GLRA1: variants seen among roughly 807,000 people sequenced by gnomAD.
GLRA1 encodes glycine receptor alpha 1, also known as glycine receptor subunit alpha-1.
In GLRA1, 37 loss-of-function variants were observed where a neutral mutation model predicts 48.3. That is an observed-to-expected ratio of 0.77 (90% CI 0.59 to 1.01). GLRA1 has a LOEUF of 1.01. GLRA1 is among the 50% of genes least tolerant of loss of function. The pLI, the probability that GLRA1 is intolerant of heterozygous loss-of-function variation, is 0.00. For synonymous variants in GLRA1, 196 were observed against 210.7 expected, an observed-to-expected ratio of 0.93 and a Z score of 0.60; for missense variants, 427 against 571.0, an observed-to-expected ratio of 0.75 and a Z score of 2.57.
In GLRA1 at chr5:151,822,842, G is replaced by C. The variant is rs62636581; in HGVS notation, c.1181C>G (p.Pro394Arg). The change falls in exon 9 of 9, where the codon CCT becomes CGT. Residue 394 changes from proline to arginine, a missense_variant. Physicochemically the swap from Pro to Arg is moderately radical, Grantham distance 103 (BLOSUM62 -2). Transcript: ENST00000274576. ...CTCTGGGGACTTAGATGGTGCAGGA[G>C]GGGGGTTGGTGGTGTTACTGTTGTT... Reference protein sequence around the residue: ...GANNSNTTNPPPAPSKSPEEM... With the variant: ...GANNSNTTNPRPAPSKSPEEM... 1.2e-5 allele frequency: 20 copies of C among 1,613,992 alleles called. No individual in the cohort carries two copies. The highest frequency in any genetic ancestry group is 1.2e-5 in the Non-Finnish European group (14 of 1,179,986).
At chr5:151,871,011 T>C (rs957272383) in intron 3 of GLRA1, among the ~76,000 whole-genome samples, 3 of 149,378 alleles carry the variant, frequency 2.0e-5, no homozygotes, top group African/African-American at 7.7e-5. Context: ...TGATGAAGAG[T>C]CACGCTCTGG....
intron 3 of GLRA1, among the ~76,000 whole-genome samples, chr5:151,877,025 C>T (rs1213639720): frequency 6.6e-6 from 1 of 152,138 alleles, no homozygotes; most frequent in Non-Finnish European, 1.5e-5. Context: ...GAAAAGGGCC[C>T]TCACTAGAGA....
chr5:151,842,361 C>T (rs1216057549), intron 7 of GLRA1, among the ~76,000 whole-genome samples: 3 of 150,502 alleles, frequency 2.0e-5, no homozygotes, highest in African/African-American at 7.3e-5. Flanking sequence ...AAAAAACTCT[C>T]AGGAAAACAC....
chr5:151,891,648 T>C (rs1754072195), intron 2 of GLRA1, among the ~76,000 whole-genome samples: 1 of 152,188 alleles, frequency 6.6e-6, no homozygotes, highest in Non-Finnish European at 1.5e-5. Flanking sequence ...GCCTCACTGA[T>C]TTAAGTTATC....
intron 3 of GLRA1, among the ~76,000 whole-genome samples, chr5:151,862,782 G>C (rs188606895): frequency 6.6e-6 from 1 of 152,198 alleles, no homozygotes; most frequent in African/African-American, 2.4e-5. Flanking sequence ...TGCATGGTGA[G>C]TATCTTCTAT....
At chr5:151,850,742 A>G in intron 7 of GLRA1, 1 of 1,039,700 alleles carries the variant, frequency 9.6e-7, no homozygotes, top group Non-Finnish European at 1.5e-6. Flanking sequence ...GCCCTCATCA[A>G]CACGTGTCTT....
chr5:151,859,108 C>A (rs28409941), intron 4 of GLRA1, among the ~76,000 whole-genome samples: 3,228 of 152,260 alleles, frequency 0.021, 49 homozygotes, highest in South Asian at 0.073. Context: ...TGAAAAGTAC[C>A]TGGCATAGTT....
At chr5:151,913,663 C>A (rs111391713) in intron 1 of GLRA1, among the ~76,000 whole-genome samples, 11 of 152,252 alleles carry the variant, frequency 7.2e-5, no homozygotes, top group African/African-American at 2.6e-4. Flanking sequence ...TTAGAATAAT[C>A]CCATTTTTGT....
intron 3 of GLRA1, among the ~76,000 whole-genome samples, chr5:151,884,543 GGC>G (rs1222037499): frequency 3.3e-5 from 5 of 152,212 alleles, no homozygotes; most frequent in African/African-American, 1.2e-4. Context: ...AAGAAACTGA[GGC>G]TTAAAGATGT....
chr5:151,893,365 T>C (rs1754147848), intron 1 of GLRA1, among the ~76,000 whole-genome samples: 1 of 147,498 alleles, frequency 6.8e-6, no homozygotes, highest in Non-Finnish European at 1.5e-5. Context: ...TCTTTCATTT[T>C]AGTTCTGGGA....
chr5:151,835,855 A>C (rs547832960), intron 7 of GLRA1, among the ~76,000 whole-genome samples: 2 of 152,252 alleles, frequency 1.3e-5, no homozygotes, highest in African/African-American at 4.8e-5. Flanking sequence ...CCAGTATCAT[A>C]TAGAATGAGC....
intron 3 of GLRA1, among the ~76,000 whole-genome samples, chr5:151,882,002 C>G (rs555314917): frequency 6.6e-6 from 1 of 152,168 alleles, no homozygotes; most frequent in African/African-American, 2.4e-5. Context: ...AGAGGCAGAA[C>G]CCAGGCTGGA....
At chr5:151,851,654 A>G (rs1340732709) in intron 6 of GLRA1, 50 bp from the exon 7 acceptor site, 2 of 1,265,704 alleles carry the variant, frequency 1.6e-6, no homozygotes, top group Non-Finnish European at 2.3e-6. Context: ...AATAGGACAA[A>G]AGGCTTTAGG....
chr5:151,851,582 G>A lies in GLRA1; in HGVS notation c.720C>T (p.Ala240=), dbSNP rs1437757477. The part of the protein sequence containing the change: ...YNTGKFTCIE[A]RFHLERQMGY... ...CCATCTGCCGCTCCAGGTGGAACCG[G>A]GCCTCAATGCAGGTGAATTTACCTG... is the stretch of plus-strand genomic sequence containing the variant. The change falls in exon 7 of 9, where the codon GCC becomes GCT. Residue 240 remains alanine (A), a synonymous_variant. Coordinates refer to ENST00000274576, the MANE Select transcript of GLRA1 (RefSeq NM_000171.4). The A allele has an allele frequency of 6.2e-7, 1 of 1,613,620 alleles. No individual in the cohort carries two copies. The highest frequency in any genetic ancestry group is 8.5e-7 in the Non-Finnish European group (1 of 1,179,560).
At chr5:151,859,607 A>G (rs1283582066) in intron 4 of GLRA1, among the ~76,000 whole-genome samples, 178 bp downstream of exon 4, 1 of 152,120 alleles carries the variant, frequency 6.6e-6, no homozygotes, top group Non-Finnish European at 1.5e-5. Context: ...GCCCCATTGT[A>G]TTTTATTCTT....
intron 2 of GLRA1, among the ~76,000 whole-genome samples, 161 bp downstream of exon 2, chr5:151,892,150 G>A (rs1422296332): frequency 6.6e-6 from 1 of 152,196 alleles, no homozygotes; most frequent in Non-Finnish European, 1.5e-5. Flanking sequence ...TGGGCTTGGT[G>A]GGAGAGAAGA....
chr5:151,863,758 A>T (rs1232074799), intron 3 of GLRA1, among the ~76,000 whole-genome samples: 1 of 152,160 alleles, frequency 6.6e-6, no homozygotes, highest in Non-Finnish European at 1.5e-5. Flanking sequence ...TTGATCTGTT[A>T]TCAGCAGGGA....
Position 151,834,685 on chromosome 5 carries a change from G to T in GLRA1, c.913-5618C>A, listed in dbSNP as rs115899348. ...CCCTTCAAAAAATCAGTGAATCCAGGGCTGGTTTGTTGAAGATTAATAAAA... is the reference window on the plus strand; with the variant it reads ...CCCTTCAAAAAATCAGTGAATCCAGTGCTGGTTTGTTGAAGATTAATAAAA... On this transcript the variant is annotated intron_variant, in intron 7 of 8. Coordinates refer to ENST00000274576, the MANE Select transcript of GLRA1 (RefSeq NM_000171.4). Among the ~76,000 whole-genome samples the T allele has an allele frequency of 7.7e-3, 1,173 of 152,202 alleles. 13 individuals are homozygous for T. Among genetic ancestry groups the T allele is most frequent in the Non-Finnish European group, 0.014 (921 of 68,002 alleles).
chr5:151,857,771 A>C (rs1451046579), intron 4 of GLRA1, among the ~76,000 whole-genome samples: 1 of 152,214 alleles, frequency 6.6e-6, no homozygotes, highest in Non-Finnish European at 1.5e-5. Context: ...CTCAAGCTGG[A>C]ATACAAGACT....
Sources: gnomAD v4.1 joint callset for allele counts (sites outside exome capture counted in the v4.1 genomes callset) on GRCh38, gnomAD v4.1.1 for gene constraint, MANE v1.5 for transcripts, NCBI Gene and HGNC (gene_info 2026-07-23, HGNC 2026-07-21) for gene names.